Variants in LBH observed in about 807,000 individuals in gnomAD.
LBH encodes protein LBH.
In LBH, 7 loss-of-function variants were observed where a neutral mutation model predicts 12.5. The observed-to-expected ratio is 0.56, with a 90% confidence interval of 0.32 to 1.05. LBH has a LOEUF of 1.05. Ranked by LOEUF, LBH falls within the 50% of genes least tolerant of loss-of-function variation. The pLI, the probability that LBH is intolerant of heterozygous loss-of-function variation, is 0.04. For synonymous variants in LBH, 51 were observed against 50.1 expected, an observed-to-expected ratio of 1.02 and a Z score of -0.08; for missense variants, 119 against 138.9, an observed-to-expected ratio of 0.86 and a Z score of 0.72.
intron 2 of LBH, among the ~76,000 whole-genome samples, chr2:30,236,915 C>T (rs1677697598): frequency 6.8e-6 from 1 of 148,052 alleles, no homozygotes; most frequent in Non-Finnish European, 1.5e-5. Context: ...TCAGATACCC[C>T]TGGGCTTGCC....
intron 1 of LBH, chr2:30,232,072 C>T: frequency 6.6e-7 from 1 of 1,512,158 alleles, no homozygotes; most frequent in Non-Finnish European, 8.9e-7. Flanking sequence ...TGAAACCACC[C>T]TATGCGGAGA....
At chr2:30,231,787 G>C (rs761503439) in intron 1 of LBH, 23 bp downstream of exon 1, 12 of 1,552,586 alleles carry the variant, frequency 7.7e-6, no homozygotes, top group South Asian at 2.4e-5. Flanking sequence ...CGCCTGCGGC[G>C]GGCGTCTGTC....
intron 2 of LBH, among the ~76,000 whole-genome samples, chr2:30,255,263 A>T (rs887981604): frequency 6.6e-6 from 1 of 151,680 alleles, no homozygotes; most frequent in Non-Finnish European, 1.5e-5. Flanking sequence ...CCACCCAAGA[A>T]ATGAGGACGC....
intron 2 of LBH, among the ~76,000 whole-genome samples, chr2:30,235,052 G>A (rs1238373865): frequency 6.6e-6 from 1 of 152,212 alleles, no homozygotes; most frequent in Non-Finnish European, 1.5e-5. Context: ...TTTCCCCAAA[G>A]GGAGGCTAGC....
At chr2:30,245,063 T>A (rs1362625253) in intron 2 of LBH, among the ~76,000 whole-genome samples, 1 of 152,208 alleles carries the variant, frequency 6.6e-6, no homozygotes, top group African/African-American at 2.4e-5. Context: ...TTTTAAAATA[T>A]CATTTTGTAT....
chr2:30,257,193 G>A (rs1678099947), intron 2 of LBH, among the ~76,000 whole-genome samples: 1 of 152,180 alleles, frequency 6.6e-6, no homozygotes, highest in Non-Finnish European at 1.5e-5. Flanking sequence ...CAGCGGCACT[G>A]CCCCCAAACT....
intron 1 of LBH, 40 bp downstream of exon 1, chr2:30,231,804 C>A: frequency 1.3e-6 from 2 of 1,535,854 alleles, no homozygotes; most frequent in South Asian, 2.4e-5. Context: ...TGTCTCGCGG[C>A]GGTGGCTGCG....
At chr2:30,240,083 A>G (rs1262161595) in intron 2 of LBH, among the ~76,000 whole-genome samples, 1 of 152,170 alleles carries the variant, frequency 6.6e-6, no homozygotes, top group African/African-American at 2.4e-5. Context: ...TTATGTGTTC[A>G]TCTCTCTGCT....
At chr2:30,248,035 G>A (rs925632017) in intron 2 of LBH, among the ~76,000 whole-genome samples, 5 of 152,196 alleles carry the variant, frequency 3.3e-5, no homozygotes, top group African/African-American at 9.7e-5. Context: ...GTTGAGCTTG[G>A]AGAATGGCTG....
intron 2 of LBH, among the ~76,000 whole-genome samples, chr2:30,249,712 C>A (rs1677945330): frequency 6.6e-6 from 1 of 152,230 alleles, no homozygotes; most frequent in Non-Finnish European, 1.5e-5. Context: ...TTGCTCCTGT[C>A]CCAAGCCACA....
At position 30,259,273 on chromosome 2, in the gene LBH, G is replaced by C. The variant is rs994879738; in HGVS notation, c.*1652G>C. ...GGGTGCGCTGTGGACACAGCAGTCC[G>C]CGGAATTCCGTTCTGGGAAGCCAAT... On this transcript the variant is annotated 3_prime_UTR_variant, in exon 3 of 3. Transcript: ENST00000395323. 6.5e-6 allele frequency: 1 copy of C among 152,780 alleles called. No individual in the cohort carries two copies. Among genetic ancestry groups the C allele is most frequent in the African/African-American group, 2.4e-5 (1 of 41,448 alleles). The allele number at this position is 152,780 out of a possible 1,614,324, so 9.5% of individuals were successfully genotyped here.
chr2:30,256,975 G>A (rs1678096883), intron 2 of LBH, among the ~76,000 whole-genome samples: 1 of 152,206 alleles, frequency 6.6e-6, no homozygotes, highest in African/African-American at 2.4e-5. Context: ...AGTGATATAT[G>A]TATAGCACCT....
At position 30,245,559 on chromosome 2, in the gene LBH, G is replaced by A. The variant is rs113032412; in HGVS notation, c.129+11052G>A. On this transcript the variant is annotated intron_variant, in intron 2 of 2. Transcript: ENST00000395323. ...ATGTCCTCTACAGTAGCCTGACATCGGGTTACCTAGATATTCTTTGGACAC... is the reference window on the plus strand; with the variant it reads ...ATGTCCTCTACAGTAGCCTGACATCAGGTTACCTAGATATTCTTTGGACAC... Among the ~76,000 whole-genome samples the A allele has an allele frequency of 5.8e-4, 89 of 152,150 alleles. 1 individual carries two copies. Among genetic ancestry groups the A allele is most frequent in the African/African-American group, 2.1e-3 (86 of 41,502 alleles).
chr2:30,237,452 T>C (rs1048314110), intron 2 of LBH, among the ~76,000 whole-genome samples: 4 of 144,256 alleles, frequency 2.8e-5, no homozygotes, highest in Non-Finnish European at 6.0e-5. Context: ...ATACGGGTCC[T>C]GTTTTACCTT....
intron 2 of LBH, among the ~76,000 whole-genome samples, chr2:30,238,519 T>C (rs922495472): frequency 1.1e-4 from 17 of 152,214 alleles, no homozygotes; most frequent in Non-Finnish European, 1.6e-4. Flanking sequence ...GGGAGGATGC[T>C]CTGGGAGGGA....
chr2:30,249,829 T>TA (rs1391953643), intron 2 of LBH, among the ~76,000 whole-genome samples: 10 of 152,284 alleles, frequency 6.6e-5, no homozygotes, highest in South Asian at 2.1e-4. Context: ...TGTTCACACA[T>TA]ACCTGTGTTT....
rs762520612 is a variant in LBH at position 30,257,647 on chromosome 2, T to C, written c.*26T>C. On this transcript the variant is annotated 3_prime_UTR_variant, in exon 3 of 3. Coordinates refer to ENST00000395323, the MANE Select transcript of LBH (RefSeq NM_030915.4). The stretch of plus-strand genomic sequence containing the variant: ...AGTCCCTGTGGACTCCCATGGGTCA[T>C]ACCAGCCAGCATCTGTTCCTGAACT... 2 of 1,525,962 alleles carry C rather than the reference T, an allele frequency of 1.3e-6. No individual in the cohort carries two copies. The highest frequency in any genetic ancestry group is 2.4e-5 in the South Asian group (2 of 82,752). The allele number at this position is 1,525,962 out of a possible 1,614,324, so 94.5% of individuals were successfully genotyped here. A position where few individuals can be genotyped will look rare whatever the true frequency, so the allele number is the denominator to read the frequency against.
intron 2 of LBH, among the ~76,000 whole-genome samples, chr2:30,236,888 G>A (rs1677696764): frequency 6.6e-6 from 1 of 152,194 alleles, no homozygotes; most frequent in Admixed American, 6.5e-5. Context: ...CATCTCTAAG[G>A]TAATGTTCTT....
intron 2 of LBH, among the ~76,000 whole-genome samples, chr2:30,235,955 T>A (rs1440141508): frequency 2.0e-5 from 3 of 152,066 alleles, no homozygotes; most frequent in African/African-American, 7.2e-5. Context: ...CCAGAGTGGG[T>A]CTGAGGAAGA....
Sources: gnomAD v4.1 joint callset for allele counts (sites outside exome capture counted in the v4.1 genomes callset) on GRCh38, gnomAD v4.1.1 for gene constraint, MANE v1.5 for transcripts, NCBI Gene and HGNC (gene_info 2026-07-23, HGNC 2026-07-21) for gene names.